FBXO25: variants seen among roughly 807,000 people sequenced by gnomAD.
FBXO25 encodes F-box protein 25.
A neutral mutation model predicts 51.9 loss-of-function variants in FBXO25; 45 were observed. The observed-to-expected ratio is 0.87, with a 90% CI of 0.68 to 1.11. The LOEUF is 1.11. Among genes scored for constraint, FBXO25 ranks in the 50% most tolerant of loss-of-function variants. FBXO25 has a pLI of 0.00. For missense variants in FBXO25, 507 were observed against 428.5 expected, an observed-to-expected ratio of 1.18 and a Z score of -1.62; for synonymous variants, 199 against 151.0, an observed-to-expected ratio of 1.32 and a Z score of -2.33.
intron 8 of FBXO25, among the ~76,000 whole-genome samples, chr8:461,035 C>T (rs1477810872): frequency 6.6e-6 from 1 of 152,130 alleles, no homozygotes; most frequent in Non-Finnish European, 1.5e-5. Context: ...GTTAAAAGGC[C>T]CCCACCCCAA....
At chr8:431,638 C>G (rs998645829) in intron 3 of FBXO25, among the ~76,000 whole-genome samples, 194 bp downstream of exon 3, 5 of 152,232 alleles carry the variant, frequency 3.3e-5, no homozygotes, top group Middle Eastern at 3.4e-3. Flanking sequence ...TGTGCAAAAA[C>G]AAAATAAGAG....
intron 2 of FBXO25, among the ~76,000 whole-genome samples, chr8:428,866 G>C (rs1340255573): frequency 6.6e-6 from 1 of 152,168 alleles, no homozygotes; most frequent in African/African-American, 2.4e-5. Flanking sequence ...GCATGTGTCA[G>C]CATTTCCTTT....
intron 5 of FBXO25, among the ~76,000 whole-genome samples, chr8:441,474 A>G (rs1460777790): frequency 6.6e-6 from 1 of 152,256 alleles, no homozygotes; most frequent in Non-Finnish European, 1.5e-5. Context: ...CTTGATGTCT[A>G]AAACACCAAA....
At position 477,622 on chromosome 8, in the gene FBXO25, A is replaced by C. The variant is rs1307985940; in HGVS notation, c.*8818A>C. 2 of 152,260 alleles carry C rather than the reference A, an allele frequency of 1.3e-5. No individual in the cohort carries two copies. The highest frequency in any genetic ancestry group is 4.8e-5 in the African/African-American group (2 of 41,474). The allele number at this position is 152,260 out of a possible 1,614,324, so 9.4% of individuals were successfully genotyped here. A position where few individuals can be genotyped will look rare whatever the true frequency, so the allele number is the denominator to read the frequency against. On this transcript the variant is annotated 3_prime_UTR_variant, in exon 10 of 10. Coordinates refer to ENST00000350302, the MANE Select transcript of FBXO25 (RefSeq NM_183420.2). ...ATAGGTACACACAGGGGAGTGAAGC[A>C]GGGCTTGGAGCAGATGGTAAAGATT...
chr8:419,705 A>G (rs1220102319), intron 2 of FBXO25, among the ~76,000 whole-genome samples: 1 of 152,222 alleles, frequency 6.6e-6, no homozygotes, highest in African/African-American at 2.4e-5. Flanking sequence ...AAACTGTAGA[A>G]CTTATGGAAG....
At chr8:431,299 C>G (rs750054630) in intron 2 of FBXO25, 42 bp from the exon 3 acceptor site, 1 of 1,072,816 alleles carries the variant, frequency 9.3e-7, no homozygotes, top group Non-Finnish European at 1.4e-6. Context: ...AAATGAAGAT[C>G]TCCCTGAAAA....
At chr8:439,550 G>C (rs1428559507) in intron 5 of FBXO25, among the ~76,000 whole-genome samples, 1 of 152,178 alleles carries the variant, frequency 6.6e-6, no homozygotes, top group Non-Finnish European at 1.5e-5. Context: ...ACTTCCAGGG[G>C]TACTGTATTT....
chr8:446,899 G>A (rs1379136913), intron 5 of FBXO25, among the ~76,000 whole-genome samples: 1 of 151,672 alleles, frequency 6.6e-6, no homozygotes, highest in African/African-American at 2.4e-5. Context: ...AATCAAGAAA[G>A]GCTGGAAGGA....
At chr8:407,363 G>C in intron 1 of FBXO25, 1 of 972,172 alleles carries the variant, frequency 1.0e-6, no homozygotes, top group Non-Finnish European at 1.2e-6. Flanking sequence ...GTCTGCTGAA[G>C]TCTGGGTCCG....
chr8:439,920 A>C (rs1228406673), intron 5 of FBXO25, among the ~76,000 whole-genome samples: 1 of 152,226 alleles, frequency 6.6e-6, no homozygotes, highest in African/African-American at 2.4e-5. Context: ...ATAATAAGCA[A>C]ATAAGGAAAG....
intron 2 of FBXO25, among the ~76,000 whole-genome samples, chr8:423,516 G>A (rs1797283939): frequency 6.6e-6 from 1 of 151,880 alleles, no homozygotes. Flanking sequence ...TCAGTGTTTA[G>A]CTCCCATTTA....
At chr8:419,225 C>A (rs1050793630) in intron 2 of FBXO25, among the ~76,000 whole-genome samples, 2 of 151,836 alleles carry the variant, frequency 1.3e-5, no homozygotes, top group Admixed American at 6.6e-5. Flanking sequence ...AAAAATTAGC[C>A]GAGCGTGGTG....
At chr8:451,577 T>G in intron 7 of FBXO25, 124 bp downstream of exon 7, 1 of 938,102 alleles carries the variant, frequency 1.1e-6, no homozygotes, top group Non-Finnish European at 1.6e-6. Flanking sequence ...TTCATAAGTA[T>G]TCATTAAATT....
At chr8:444,955 A>G (rs1798646079) in intron 5 of FBXO25, among the ~76,000 whole-genome samples, 1 of 152,212 alleles carries the variant, frequency 6.6e-6, no homozygotes, top group Admixed American at 6.5e-5. Context: ...TAAGCGACCC[A>G]TGACTGTATA....
At position 447,614 on chromosome 8, in the gene FBXO25, AT is replaced by A. The variant is rs544540627; in HGVS notation, c.382-2370del. Among the ~76,000 whole-genome samples, 8 of 152,228 alleles carry A rather than the reference AT, an allele frequency of 5.3e-5. No individual in the cohort carries two copies. The South Asian group carries it at 1.7e-3, about 32-fold the overall frequency. On this transcript the variant is annotated intron_variant, in intron 5 of 9. Transcript: ENST00000350302. ...GAACTGGAAGTGTTTTAGATTTTGG[AT>A]TTTTTCAGATTTTGTAATATTTACA...
intron 8 of FBXO25, among the ~76,000 whole-genome samples, chr8:458,986 C>T (rs1003327401): frequency 2.6e-5 from 4 of 152,130 alleles, no homozygotes; most frequent in African/African-American, 9.7e-5. Flanking sequence ...CACAGCCCCT[C>T]CCCCCTGCCT....
At chr8:429,717 G>A (rs1044954581) in intron 2 of FBXO25, among the ~76,000 whole-genome samples, 2 of 152,180 alleles carry the variant, frequency 1.3e-5, no homozygotes, top group African/African-American at 2.4e-5. Flanking sequence ...GTTGTCATTT[G>A]TGAGCCCAGG....
At chr8:415,620 A>G (rs1168488624) in intron 2 of FBXO25, among the ~76,000 whole-genome samples, 1 of 152,182 alleles carries the variant, frequency 6.6e-6, no homozygotes, top group Non-Finnish European at 1.5e-5. Context: ...ACAGCTGGAC[A>G]GAGGGTCAGG....
In FBXO25 at chr8:458,532, A is replaced by G. The variant is rs1258154292; in HGVS notation, c.824A>G (p.Tyr275Cys). The G allele has an allele frequency of 6.2e-7, 1 of 1,614,068 alleles. No individual in the cohort carries two copies. Among genetic ancestry groups the G allele is most frequent in the South Asian group, 1.1e-5 (1 of 91,054 alleles). Residue 275 changes from tyrosine (Y) to cysteine (C), a missense_variant, in exon 8 of 10, where the codon TAC becomes TGC. Physicochemically the swap from Tyr to Cys is radical, Grantham distance 194 (BLOSUM62 -2). Transcript: ENST00000350302. ...DRQLWKKLCQ[Y>C]HFAEKQFCRH... ...CAGCTGTGGAAGAAGCTTTGTCAGT[A>G]CCATTTTGCTGAAAAGCAGGTGAGT...
Sources: allele counts gnomAD v4.1 joint callset (sites outside exome capture counted in the v4.1 genomes callset), GRCh38; gene constraint gnomAD v4.1.1; transcripts MANE v1.5; gene names NCBI Gene and HGNC (gene_info 2026-07-23, HGNC 2026-07-21).